CDK20: variants seen among roughly 807,000 people sequenced by gnomAD.
The protein encoded by CDK20 is cyclin dependent kinase 20, also known as cyclin-dependent kinase 20.
CDK20 carries 40 observed loss-of-function variants against 38.6 expected under a neutral mutation model. That is an observed-to-expected ratio of 1.04 (90% CI 0.81 to 1.35). CDK20 has a LOEUF of 1.35. Ranked by LOEUF, CDK20 falls within the 40% of genes most tolerant of loss-of-function variation. The pLI, the probability that CDK20 is intolerant of heterozygous loss-of-function variation, is 0.00. For synonymous variants in CDK20, 209 were observed against 185.7 expected (o/e 1.13, Z -1.02); for missense variants, 512 against 452.6 (o/e 1.13, Z -1.19).
intron 6 of CDK20, 183 bp downstream of exon 6, chr9:87,969,613 A>T (rs1382557833): frequency 4.1e-6 from 4 of 971,134 alleles, no homozygotes; most frequent in South Asian, 1.6e-5. Flanking sequence ...AAAGGACAGG[A>T]TCTACCCCAA....
In CDK20 at chr9:87,971,293, C is replaced by T. The variant is rs772151523; in HGVS notation, c.232G>A (p.Val78Met). Reference protein sequence around the residue: ...KAVFPHGGGFVLAFEFMLSDL... With the variant: ...KAVFPHGGGFMLAFEFMLSDL... ...GACAGCATGAACTCAAAGGCCAGCA[C>T]AAAGCCTCCACCGTGTGGGAACACA... The change falls in exon 3 of 8, where the codon GTG becomes ATG. Residue 78 changes from valine (V) to methionine (M), a missense_variant. By Grantham distance (21) the Val-to-Met change is conservative (BLOSUM62 1). Transcript: ENST00000325303. 2 of 1,613,976 alleles carry T rather than the reference C, an allele frequency of 1.2e-6. No individual in the cohort carries two copies. The highest frequency in any genetic ancestry group is 1.1e-5 in the South Asian group (1 of 91,036).
Position 87,969,842 on chromosome 9 carries a change from C to A in CDK20, c.641G>T (p.Cys214Phe). 1.2e-6 allele frequency: 2 copies of A among 1,612,964 alleles called. No individual in the cohort carries two copies. The highest frequency in any genetic ancestry group is 1.7e-6 in the Non-Finnish European group (2 of 1,179,510). The change falls in exon 6 of 8, where the codon TGC becomes TTC. Residue 214 changes from cysteine (C) to phenylalanine (F), a missense_variant. By Grantham distance (205) the Cys-to-Phe change is radical. Coordinates refer to ENST00000325303, the MANE Select transcript of CDK20 (RefSeq NM_001039803.3). ...FPGKNDIEQL[C>F]YVLRILGTPN... ...GGTGCCCAAGATGCGAAGCACATAGCAAAGCTGTTCAATATCGTTCTTGCC... is the reference window on the plus strand; with the variant it reads ...GGTGCCCAAGATGCGAAGCACATAGAAAAGCTGTTCAATATCGTTCTTGCC...
rs28364955 is a variant in CDK20 at position 87,970,867 on chromosome 9, C to T, written c.409G>A (p.Ala137Thr). Reference protein sequence around the residue: ...DLKPANLLISASGQLKIADFG... With the variant: ...DLKPANLLISTSGQLKIADFG... ...TCCGCTATCTTGAGCTGGCCTGAGG[C>T]GCTGATGAGCAGGTTGGCAGGTTTC... The change falls in exon 4 of 8, where the codon GCC becomes ACC. Residue 137 changes from alanine to threonine, a missense_variant. Ala to Thr is a moderately conservative substitution (Grantham distance 58). Coordinates refer to ENST00000325303, the MANE Select transcript of CDK20 (RefSeq NM_001039803.3). The T allele has an allele frequency of 3.7e-5, 60 of 1,614,042 alleles. No individual in the cohort carries two copies. In the African/African-American group the frequency reaches 5.3e-4, roughly 14 times the overall value.
chr9:87,969,983 G>C, intron 5 of CDK20, 64 bp from the exon 6 acceptor site: 1 of 1,501,304 alleles, frequency 6.7e-7, no homozygotes, highest in Non-Finnish European at 8.9e-7. Flanking sequence ...CCCACCCACA[G>C]AGCAGCTCTA....
intron 7 of CDK20, 64 bp downstream of exon 7, chr9:87,969,130 T>C: frequency 1.3e-6 from 2 of 1,569,406 alleles, no homozygotes; most frequent in Non-Finnish European, 1.7e-6. Flanking sequence ...GGCTACCAAG[T>C]ACAGAGTACC....
At chr9:87,967,718 T>G in intron 7 of CDK20, 59 bp from the exon 8 acceptor site, 1 of 1,393,812 alleles carries the variant, frequency 7.2e-7, no homozygotes, top group Non-Finnish European at 9.5e-7. Context: ...GTCCCCAGCC[T>G]CAAGCAGATG....
rs1829462060 is a variant in CDK20 at position 87,966,777 on chromosome 9, T to G, written c.*685A>C. ...CTGGATCCCCAACTGGAGCCATCCC[T>G]GGGCCTAGACTTCTGTCTCCCTCAC... On this transcript the variant is annotated 3_prime_UTR_variant, in exon 8 of 8. Coordinates refer to ENST00000325303, the MANE Select transcript of CDK20 (RefSeq NM_001039803.3). 1 of 328,478 alleles carries G rather than the reference T, an allele frequency of 3.0e-6. No individual in the cohort carries two copies. The highest frequency in any genetic ancestry group is 6.0e-6 in the Non-Finnish European group (1 of 166,780). 20.3% of individuals were successfully genotyped at this position (328,478 alleles called of 1,614,324 possible). A position where few individuals can be genotyped will look rare whatever the true frequency, so the allele number is the denominator to read the frequency against.
At position 87,971,428 on chromosome 9, in the gene CDK20, C is replaced by T. The variant is rs1829854012; in HGVS notation, c.190-93G>A. On this transcript the variant is annotated intron_variant, in intron 2 of 7. Coordinates refer to ENST00000325303, the MANE Select transcript of CDK20 (RefSeq NM_001039803.3). ...CCAGCCCATGCCCTGACAGAGGACCCTGTATCCAAAAAGACAGTAAGCAAA... is the reference window on the plus strand; with the variant it reads ...CCAGCCCATGCCCTGACAGAGGACCTTGTATCCAAAAAGACAGTAAGCAAA... 3.4e-6 allele frequency: 4 copies of T among 1,175,552 alleles called. No homozygotes were observed. In the East Asian group the frequency reaches 1.0e-4, roughly 30 times the overall value. 72.8% of individuals were successfully genotyped at this position (1,175,552 alleles called of 1,614,324 possible). A position where few individuals can be genotyped will look rare whatever the true frequency, so the allele number is the denominator to read the frequency against.
intron 2 of CDK20, 71 bp from the exon 3 acceptor site, chr9:87,971,406 G>A (rs1042804210): frequency 1.4e-6 from 2 of 1,417,842 alleles, no homozygotes; most frequent in Non-Finnish European, 1.9e-6. Flanking sequence ...TGAGACCCCA[G>A]CCCATGCCCT....
chr9:87,970,833 A>C lies in CDK20; in HGVS notation c.443T>G (p.Leu148Arg). Residue 148 changes from leucine to arginine, a missense_variant, in exon 4 of 8, where the codon CTG becomes CGG. Transcript: ENST00000325303. Reference sequence around the variant, plus strand: ...GCCGTCTGGGGAAAAGACTCGAGCCAGGCCAAAGTCCGCTATCTTGAGCTG... The same window carrying C: ...GCCGTCTGGGGAAAAGACTCGAGCCCGGCCAAAGTCCGCTATCTTGAGCTG... Reference protein sequence around the residue: ...SGQLKIADFGLARVFSPDGSR... With the variant: ...SGQLKIADFGRARVFSPDGSR... 2 of 1,614,200 alleles carry C rather than the reference A, an allele frequency of 1.2e-6. No homozygotes were observed. Among genetic ancestry groups the C allele is most frequent in the Middle Eastern group, 1.6e-4 (1 of 6,062 alleles).
chr9:87,973,078 T>C (rs752776262), intron 2 of CDK20, among the ~76,000 whole-genome samples: 16 of 152,170 alleles, frequency 1.1e-4, no homozygotes, highest in Non-Finnish European at 2.1e-4. Context: ...AAAACCCAGA[T>C]GACACAAAAT....
chr9:87,973,728 GTAAA>G (rs1477885080), intron 2 of CDK20, among the ~76,000 whole-genome samples, 190 bp downstream of exon 2: 2 of 152,164 alleles, frequency 1.3e-5, no homozygotes, highest in African/African-American at 2.4e-5. Context: ...AAAGAAATAG[GTAAA>G]TAAAGGTGAA....
chr9:87,973,326 T>C (rs1242516147), intron 2 of CDK20, among the ~76,000 whole-genome samples: 1 of 152,158 alleles, frequency 6.6e-6, no homozygotes, highest in African/African-American at 2.4e-5. Flanking sequence ...CTCTGTCTCT[T>C]GTTAGCACAC....
chr9:87,974,197 G>A, intron 1 of CDK20, 162 bp from the exon 2 acceptor site: 1 of 1,338,808 alleles, frequency 7.5e-7, no homozygotes, highest in Non-Finnish European at 1.0e-6. Flanking sequence ...CGCTGGGGTA[G>A]GGGACCAAGC....
intron 1 of CDK20, 67 bp downstream of exon 1, chr9:87,974,300 CAGTTT>C (rs2118377057): frequency 2.0e-6 from 3 of 1,487,084 alleles, no homozygotes; most frequent in South Asian, 1.1e-5. Context: ...GGAACCGAAA[CAGTTT>C]AGAGCGTTAG....
intron 7 of CDK20, 75 bp from the exon 8 acceptor site, chr9:87,967,734 T>C: frequency 3.1e-6 from 4 of 1,281,500 alleles, no homozygotes; most frequent in Non-Finnish European, 4.2e-6. Flanking sequence ...AGATGTTCCT[T>C]CATCTATGCA....
rs1829685628 is a variant in CDK20, at chr9:87,969,347, C to T, written c.690G>A (p.Glu230=). 7.4e-6 allele frequency: 12 copies of T among 1,613,816 alleles called. No homozygotes were observed. In the East Asian group the frequency reaches 2.5e-4, roughly 33 times the overall value. Residue 230 remains glutamate, a splice_region_variant and synonymous_variant, in exon 7 of 8, where the codon GAG becomes GAA. Coordinates refer to ENST00000325303, the MANE Select transcript of CDK20 (RefSeq NM_001039803.3). ...LGTPNPQVWP[E]LTELPDYNKI... ...TGTTGTAGTCCGGCAGCTCAGTGAGCTCCTGGGCCAGGGAGAAGGAACAGG... is the reference window on the plus strand; with the variant it reads ...TGTTGTAGTCCGGCAGCTCAGTGAGTTCCTGGGCCAGGGAGAAGGAACAGG...
intron 2 of CDK20, among the ~76,000 whole-genome samples, chr9:87,973,406 A>G (rs1244373315): frequency 8.3e-6 from 1 of 120,960 alleles, no homozygotes; most frequent in Non-Finnish European, 1.8e-5. Flanking sequence ...GGTAGAGCCT[A>G]TGGGAGGTCC....
rs377007992 is a variant in CDK20, at chr9:87,969,209, G to A, written c.828C>T (p.Arg276=). ...GQFLLYPPHQ[R]IAASKALLHQ... The stretch of plus-strand genomic sequence containing the variant: ...CTCCCCCTACCTTGGAAGCTGCGAT[G>A]CGCTGGTGAGGAGGGTAGAGAAGGA... Residue 276 remains arginine, a synonymous_variant, in exon 7 of 8, where the codon CGC becomes CGT. Coordinates refer to ENST00000325303, the MANE Select transcript of CDK20 (RefSeq NM_001039803.3). The A allele has an allele frequency of 2.4e-5, 38 of 1,613,926 alleles. No individual in the cohort carries two copies. The highest frequency in any genetic ancestry group is 3.1e-5 in the Non-Finnish European group (36 of 1,179,958).
Sources: allele counts gnomAD v4.1 joint callset (sites outside exome capture counted in the v4.1 genomes callset), GRCh38; gene constraint gnomAD v4.1.1; transcripts MANE v1.5; gene names NCBI Gene and HGNC (gene_info 2026-07-23, HGNC 2026-07-21).